Variants in CFAP69 observed in about 807,000 individuals in gnomAD.
The protein encoded by CFAP69 is cilia- and flagella-associated protein 69.
A neutral mutation model predicts 123.0 loss-of-function variants in CFAP69; 92 were observed. That is an observed-to-expected ratio of 0.75 (90% confidence interval 0.63 to 0.89). The LOEUF (loss-of-function observed/expected upper bound fraction) is 0.89, where lower values mean the gene tolerates loss of function less well. Ranked by LOEUF, CFAP69 falls within the 40% of genes least tolerant of loss-of-function variation. The pLI, the probability that CFAP69 is intolerant of heterozygous loss-of-function variation, is 0.00. For missense variants in CFAP69, 1,067 were observed against 1,096.9 expected (o/e 0.97, Z 0.39); for synonymous variants, 380 against 364.3 (o/e 1.04, Z -0.49).
chr7:90,302,332 C>T lies in CFAP69; in HGVS notation c.2051-1637C>T, dbSNP rs538273428. The T allele has an allele frequency of 2.0e-5, 3 of 152,248 alleles. No individual in the cohort carries two copies. The South Asian group carries it at 6.2e-4, about 32-fold the overall frequency. The allele number at this position is 152,248 out of a possible 1,614,324, so 9.4% of individuals were successfully genotyped here. ...CAGAAGTTCTTAAGTTTAATTAGATCCCATTTGTCAATTTTTGCTTGTATT... is the reference window on the plus strand; with the variant it reads ...CAGAAGTTCTTAAGTTTAATTAGATTCCATTTGTCAATTTTTGCTTGTATT... On this transcript the variant is annotated intron_variant, in intron 17 of 22. Transcript: ENST00000389297.
chr7:90,286,886 G>A (rs1044970846), intron 14 of CFAP69, among the ~76,000 whole-genome samples: 144 of 152,010 alleles, frequency 9.5e-4, no homozygotes, highest in African/African-American at 3.1e-3. Context: ...TCAGGAGTTT[G>A]AGACCAGCCT....
chr7:90,291,478 C>G (rs567117228), intron 15 of CFAP69, among the ~76,000 whole-genome samples: 4 of 152,162 alleles, frequency 2.6e-5, no homozygotes, highest in Non-Finnish European at 4.4e-5. Flanking sequence ...GACCTCCTAT[C>G]TCATCCTGTG....
chr7:90,245,683 G>A lies in CFAP69; in HGVS notation c.120+139G>A, dbSNP rs1796241812. The stretch of plus-strand genomic sequence containing the variant: ...GGAAGCCGCGGGATGGAGATTCCAA[G>A]CGCAGAGCTAATCCTGATCCCCCAC... On this transcript the variant is annotated intron_variant, in intron 1 of 22. Coordinates refer to ENST00000389297, the MANE Select transcript of CFAP69 (RefSeq NM_001039706.3). 3 of 1,162,128 alleles carry A rather than the reference G, an allele frequency of 2.6e-6. No homozygotes were observed. The Admixed American group carries it at 9.3e-5, about 36-fold the overall frequency. The allele number at this position is 1,162,128 out of a possible 1,614,324, so 72.0% of individuals were successfully genotyped here.
rs145263721 is a variant in CFAP69 at position 90,255,468 on chromosome 7, G to A, written c.166G>A (p.Glu56Lys). 4.9e-5 allele frequency: 79 copies of A among 1,612,224 alleles called. No homozygotes were observed. The highest frequency in any genetic ancestry group is 1.1e-4 in the African/African-American group (8 of 74,970). ...CCTTAATCGTGTCATCAAACTCCTC[G>A]AAGAGACTGATAAAGTGAGTAAGCT... ...MDLNRVIKLL[E>K]ETDKDGLEEK... Residue 56 changes from glutamate (E) to lysine (K), a missense_variant, in exon 2 of 23, where the codon GAA (glutamate) becomes AAA (lysine). Physicochemically the swap from Glu to Lys is moderately conservative, Grantham distance 56. Transcript: ENST00000389297.
intron 4 of CFAP69, among the ~76,000 whole-genome samples, chr7:90,264,673 G>A (rs1166990982): frequency 1.3e-5 from 2 of 151,912 alleles, no homozygotes; most frequent in African/African-American, 4.8e-5. Flanking sequence ...GGGTTCCTAA[G>A]TTTTTTTATT....
At chr7:90,275,015 C>T (rs1199654273) in intron 9 of CFAP69, among the ~76,000 whole-genome samples, 1 of 152,066 alleles carries the variant, frequency 6.6e-6, no homozygotes, top group Non-Finnish European at 1.5e-5. Context: ...TTTTTTCAAT[C>T]ATTTTTCTCT....
At chr7:90,278,334 A>G (rs1788907340) in intron 11 of CFAP69, among the ~76,000 whole-genome samples, 1 of 152,148 alleles carries the variant, frequency 6.6e-6, no homozygotes, top group South Asian at 2.1e-4. Flanking sequence ...AACTGAGCTG[A>G]ACATTTTCTT....
the CFAP69 span, among the ~76,000 whole-genome samples, chr7:90,323,534 A>C: frequency 2.6e-5 from 4 of 152,332 alleles, no homozygotes; most frequent in East Asian, 3.9e-4. Context: ...GCAATTCCTA[A>C]ATGACGGAAA....
At chr7:90,258,236 G>A (rs965526431) in intron 3 of CFAP69, 73 bp downstream of exon 3, 4 of 1,021,726 alleles carry the variant, frequency 3.9e-6, no homozygotes, top group Non-Finnish European at 5.8e-6. Context: ...AAATGTGTTA[G>A]TTTTCCATTG....
chr7:90,285,143 T>G (rs1790079783), intron 13 of CFAP69, among the ~76,000 whole-genome samples: 1 of 152,110 alleles, frequency 6.6e-6, no homozygotes, highest in Non-Finnish European at 1.5e-5. Flanking sequence ...CTATGGCCAG[T>G]CAAACTGGAT....
At chr7:90,298,917 G>A (rs978960820) in intron 16 of CFAP69, among the ~76,000 whole-genome samples, 3 of 152,066 alleles carry the variant, frequency 2.0e-5, no homozygotes, top group Admixed American at 6.6e-5. Context: ...CCTGTCTCCT[G>A]AAGTAGAGAA....
At position 90,271,415 on chromosome 7, in the gene CFAP69, T is replaced by C. The variant is rs1799931658; in HGVS notation, c.533-111T>C. On this transcript the variant is annotated intron_variant, in intron 6 of 22. Coordinates refer to ENST00000389297, the MANE Select transcript of CFAP69 (RefSeq NM_001039706.3). ...TGCTGCGCAATTTTTAAATTCCATATACTTTTAAAAAGTTTTTCTTGCTGT... is the reference window on the plus strand; with the variant it reads ...TGCTGCGCAATTTTTAAATTCCATACACTTTTAAAAAGTTTTTCTTGCTGT... 1.7e-5 allele frequency: 20 copies of C among 1,158,484 alleles called. No individual in the cohort carries two copies. The South Asian group carries it at 2.9e-4, about 17-fold the overall frequency. The allele number at this position is 1,158,484 out of a possible 1,614,324, so 71.8% of individuals were successfully genotyped here. A position where few individuals can be genotyped will look rare whatever the true frequency, so the allele number is the denominator to read the frequency against.
chr7:90,259,167 C>A, intron 3 of CFAP69, among the ~76,000 whole-genome samples: 1 of 152,124 alleles, frequency 6.6e-6, no homozygotes, highest in East Asian at 1.9e-4. Flanking sequence ...AATCCCAGCA[C>A]TTTGGGAGGC....
At position 90,258,110 on chromosome 7, in the gene CFAP69, G is replaced by T; in HGVS notation, c.193G>T (p.Glu65Ter). The T allele has an allele frequency of 6.2e-7, 1 of 1,611,504 alleles. No homozygotes were observed. The highest frequency in any genetic ancestry group is 1.1e-5 in the South Asian group (1 of 90,698). ...LEETDKDGLE[E>*]KQLKFVKKLV... ...TGATCTGTTTTAGGATGGCTTGGAAGAAAAACAACTTAAATTTGTCAAGAA... is the reference window on the plus strand; with the variant it reads ...TGATCTGTTTTAGGATGGCTTGGAATAAAAACAACTTAAATTTGTCAAGAA... The change falls in exon 3 of 23, where the codon GAA becomes TAA. Residue 65 changes from glutamate to a stop codon, truncating the protein, a stop_gained. Coordinates refer to ENST00000389297, the MANE Select transcript of CFAP69 (RefSeq NM_001039706.3). LOFTEE classifies it high-confidence loss of function.
chr7:90,304,484 A>G (rs1793253291), intron 18 of CFAP69: 2 of 1,250,524 alleles, frequency 1.6e-6, no homozygotes, highest in Non-Finnish European at 1.0e-6. Flanking sequence ...GTAAGATATT[A>G]TTGTCTGACT....
At chr7:90,264,104 A>AT (rs1316608213) in intron 4 of CFAP69, among the ~76,000 whole-genome samples, 6 of 48,844 alleles carry the variant, frequency 1.2e-4, no homozygotes, top group African/African-American at 1.4e-4. Flanking sequence ...AAAAAAAAAA[A>AT]ATATATATAT....
chr7:90,313,366 G>T (rs1352953662), downstream of CFAP69, among the ~76,000 whole-genome samples: 1 of 152,124 alleles, frequency 6.6e-6, no homozygotes, highest in Non-Finnish European at 1.5e-5. Context: ...ATATTTAGTT[G>T]CCTTTCAAGG....
At chr7:90,309,425 C>A in intron 22 of CFAP69, 58 bp downstream of exon 22, 1 of 967,834 alleles carries the variant, frequency 1.0e-6, no homozygotes. Context: ...AGTGTTTGAA[C>A]AACTGTGCAA....
Position 90,300,001 on chromosome 7 carries a change from G to A in CFAP69, c.1992G>A (p.Leu664=), listed in dbSNP as rs746651951. The change falls in exon 17 of 23, where the codon TTG becomes TTA. Residue 664 remains leucine, a synonymous_variant. Coordinates refer to ENST00000389297, the MANE Select transcript of CFAP69 (RefSeq NM_001039706.3). ...CAGCTGCTAGTCTTTTAATTAAATT[G>A]TGGAGAAAGGAGGAAAAAGAACTAG... ...DQTAASLLIK[L]WRKEEKELGV... is the part of the protein sequence containing the mutation. 1.2e-5 allele frequency: 20 copies of A among 1,610,274 alleles called. No individual in the cohort carries two copies. Among genetic ancestry groups the A allele is most frequent in the Non-Finnish European group, 1.7e-5 (20 of 1,178,586 alleles).
Sources: allele counts gnomAD v4.1 joint callset (sites outside exome capture counted in the v4.1 genomes callset), GRCh38; gene constraint gnomAD v4.1.1; transcripts MANE v1.5; gene names NCBI Gene and HGNC (gene_info 2026-07-23, HGNC 2026-07-21).